DOCK2: variants seen among roughly 807,000 people sequenced by gnomAD.
DOCK2 encodes dedicator of cytokinesis 2, also known as dedicator of cytokinesis protein 2.
In DOCK2, 87 loss-of-function variants were observed where a neutral mutation model predicts 248.9. The observed-to-expected ratio is 0.35, with a 90% confidence interval of 0.29 to 0.42. The LOEUF is 0.42. Ranked by LOEUF, DOCK2 falls within the 10% of genes least tolerant of loss-of-function variation. DOCK2 has a pLI of 1.00. For missense variants in DOCK2, 1,747 were observed against 2,300.2 expected (o/e 0.76, Z 4.92); for synonymous variants, 805 against 821.6 (o/e 0.98, Z 0.35).
intron 46 of DOCK2, among the ~76,000 whole-genome samples, chr5:170,072,914 C>T (rs1206615171): frequency 6.6e-6 from 1 of 152,084 alleles, no homozygotes; most frequent in Non-Finnish European, 1.5e-5. Context: ...AGATATGCAT[C>T]TTCTGTCAAA....
chr5:169,707,979 C>A (rs1761367756), intron 14 of DOCK2, among the ~76,000 whole-genome samples, 190 bp from the exon 15 acceptor site: 2 of 152,208 alleles, frequency 1.3e-5, no homozygotes, highest in African/African-American at 4.8e-5. Flanking sequence ...CCTGTCAGTC[C>A]TGTGGCTGGG....
chr5:169,972,534 C>T (rs1777542762), intron 27 of DOCK2, among the ~76,000 whole-genome samples: 2 of 143,296 alleles, frequency 1.4e-5, no homozygotes, highest in South Asian at 4.6e-4. Flanking sequence ...TTAAGAGCCA[C>T]TGTGAGACAG....
chr5:170,000,835 T>A (rs756488951), intron 30 of DOCK2, among the ~76,000 whole-genome samples: 4 of 152,156 alleles, frequency 2.6e-5, no homozygotes, highest in Non-Finnish European at 5.9e-5. Context: ...TCCTGTGAAA[T>A]GAAAAACTTC....
intron 27 of DOCK2, among the ~76,000 whole-genome samples, chr5:169,912,509 A>C (rs543730895): frequency 1.2e-4 from 19 of 152,332 alleles, no homozygotes; most frequent in Middle Eastern, 6.8e-3. Flanking sequence ...TTATTGAGAC[A>C]TCAGCATTCT....
intron 26 of DOCK2, among the ~76,000 whole-genome samples, chr5:169,809,476 C>T (rs1427651492): frequency 6.6e-6 from 1 of 152,172 alleles, no homozygotes; most frequent in African/African-American, 2.4e-5. Context: ...ATTCCATTCC[C>T]ACTTCCTTCT....
intron 29 of DOCK2, among the ~76,000 whole-genome samples, chr5:169,993,680 T>A (rs1778265768): frequency 6.6e-6 from 1 of 152,022 alleles, no homozygotes; most frequent in African/African-American, 2.4e-5. Flanking sequence ...ATGTAGCAAA[T>A]GCTGCAGATA....
At chr5:169,889,614 C>T (rs973624260) in intron 27 of DOCK2, among the ~76,000 whole-genome samples, 11 of 152,194 alleles carry the variant, frequency 7.2e-5, no homozygotes, top group Admixed American at 2.0e-4. Flanking sequence ...CTATCCTTTA[C>T]GCCAGGAGTC....
chr5:170,005,851 G>A (rs1038655374), intron 30 of DOCK2, among the ~76,000 whole-genome samples: 7 of 152,138 alleles, frequency 4.6e-5, no homozygotes, highest in African/African-American at 1.4e-4. Flanking sequence ...CATATTTGAT[G>A]TGTCTTATGT....
At chr5:169,864,405 A>G in intron 27 of DOCK2, 1 of 1,550,688 alleles carries the variant, frequency 6.4e-7, no homozygotes, top group South Asian at 1.2e-5. Context: ...CTTCCTCCAG[A>G]CTCTGCAAAA....
chr5:169,969,742 G>T (rs1410350536), intron 27 of DOCK2, among the ~76,000 whole-genome samples: 1 of 152,186 alleles, frequency 6.6e-6, no homozygotes, highest in African/African-American at 2.4e-5. Flanking sequence ...GGACTGAGGG[G>T]TTTCCCAGGA....
chr5:170,020,319 C>G (rs1755677979), intron 33 of DOCK2, among the ~76,000 whole-genome samples: 1 of 152,202 alleles, frequency 6.6e-6, no homozygotes, highest in Non-Finnish European at 1.5e-5. Context: ...GAAGCCCATC[C>G]AAATGCCATG....
At chr5:169,851,178 C>G (rs1171319952) in intron 27 of DOCK2, among the ~76,000 whole-genome samples, 3 of 152,130 alleles carry the variant, frequency 2.0e-5, no homozygotes, top group Non-Finnish European at 4.4e-5. Context: ...ATTGAAGGAA[C>G]AAATTAATGA....
intron 27 of DOCK2, among the ~76,000 whole-genome samples, chr5:169,979,014 T>C (rs1184815172): frequency 1.3e-5 from 2 of 152,178 alleles, no homozygotes; most frequent in Admixed American, 6.5e-5. Context: ...AAGAAGCAAT[T>C]TCCCATCCTG....
chr5:169,638,182 C>G (rs1369125283), intron 1 of DOCK2, among the ~76,000 whole-genome samples: 3 of 152,172 alleles, frequency 2.0e-5, no homozygotes, highest in African/African-American at 4.8e-5. Context: ...ATACCAGACA[C>G]CATCTCAGAG....
chr5:170,021,773 C>T (rs951715183), intron 33 of DOCK2, among the ~76,000 whole-genome samples: 7 of 152,084 alleles, frequency 4.6e-5, no homozygotes, highest in East Asian at 1.9e-4. Context: ...GGGGATACGC[C>T]GGCCCAGGCA....
intron 47 of DOCK2, 97 bp from the exon 48 acceptor site, chr5:170,077,613 A>T: frequency 6.5e-7 from 1 of 1,546,740 alleles, no homozygotes; most frequent in Non-Finnish European, 8.7e-7. Flanking sequence ...TCAGCCCCAC[A>T]ACTCTGCCCT....
chr5:169,746,133 G>T (rs1171870762), intron 22 of DOCK2, among the ~76,000 whole-genome samples: 3 of 152,102 alleles, frequency 2.0e-5, no homozygotes, highest in African/African-American at 7.2e-5. Flanking sequence ...AAGAAGGAAA[G>T]AAAGAGAGAC....
intron 27 of DOCK2, among the ~76,000 whole-genome samples, chr5:169,976,676 G>A (rs978231604): frequency 6.6e-6 from 1 of 152,230 alleles, no homozygotes; most frequent in Non-Finnish European, 1.5e-5. Flanking sequence ...AGTTTCAAAT[G>A]AAGAGTGTGT....
At chr5:169,816,782 TG>T (rs1768092759) in intron 26 of DOCK2, among the ~76,000 whole-genome samples, 1 of 152,222 alleles carries the variant, frequency 6.6e-6, no homozygotes. Context: ...AATCACAGCA[TG>T]GAAAATGGGG....
Sources: gnomAD v4.1 joint callset for allele counts (sites outside exome capture counted in the v4.1 genomes callset) on GRCh38, gnomAD v4.1.1 for gene constraint, MANE v1.5 for transcripts, NCBI Gene and HGNC (gene_info 2026-07-23, HGNC 2026-07-21) for gene names.